Variants in NKD1 observed in about 807,000 individuals in gnomAD.
NKD1 encodes the protein NKD inhibitor of Wnt signaling pathway 1, also known as protein naked cuticle homolog 1.
A neutral mutation model predicts 56.0 loss-of-function variants in NKD1; 21 were observed. The observed-to-expected ratio is 0.38, with a 90% CI of 0.27 to 0.54. NKD1 has a LOEUF of 0.54. Among genes scored for constraint, NKD1 ranks in the 20% least tolerant of loss-of-function variants. The pLI, the probability that NKD1 is intolerant of heterozygous loss-of-function variation, is 0.82. For synonymous variants in NKD1, 263 were observed against 265.7 expected (o/e 0.99, Z 0.10); for missense variants, 578 against 642.7 (o/e 0.90, Z 1.09).
At position 50,575,052 on chromosome 16, in the gene NKD1, C is replaced by G. The variant is rs532365823; in HGVS notation, c.192+25497C>G. 6.0e-5 allele frequency: 59 copies of G among 984,238 alleles called. No individual in the cohort carries two copies. In the African/African-American group the frequency reaches 9.8e-4, roughly 16 times the overall value. 61.0% of individuals were successfully genotyped at this position (984,238 alleles called of 1,614,324 possible). On this transcript the variant is annotated intron_variant, in intron 3 of 9. Coordinates refer to ENST00000268459, the MANE Select transcript of NKD1 (RefSeq NM_033119.5). ...AGTAACTTCTGAACCCAGCTGTCTTCTGAGAGAGCTGGAAAGTTGTTTCAT... is the reference window on the plus strand; with the variant it reads ...AGTAACTTCTGAACCCAGCTGTCTTGTGAGAGAGCTGGAAAGTTGTTTCAT...
chr16:50,552,257 TAAC>T (rs1352970728), intron 3 of NKD1: 3 of 152,302 alleles, frequency 2.0e-5, no homozygotes, highest in Non-Finnish European at 4.4e-5. Context: ...ATCCTCCCCA[TAAC>T]CTTGTAGTGT....
Position 50,549,511 on chromosome 16 carries a change from C to T in NKD1, c.148C>T (p.Pro50Ser), listed in dbSNP as rs1191969969. The T allele has an allele frequency of 1.2e-6, 2 of 1,608,438 alleles. No homozygotes were observed. Among genetic ancestry groups the T allele is most frequent in the Admixed American group, 1.7e-5 (1 of 59,600 alleles). Residue 50 changes from proline (P) to serine (S), a missense_variant, in exon 3 of 10, where the codon CCC (proline) becomes TCC (serine). By Grantham distance (74) the Pro-to-Ser change is moderately conservative. Transcript: ENST00000268459. Reference protein sequence around the residue: ...RQRCPGGVSGPRQLRLAGTIG... With the variant: ...RQRCPGGVSGSRQLRLAGTIG... ...GCGCTGCCCGGGCGGTGTCTCGGGA[C>T]CCCGACAGCTGCGGTTGGCGGGCAC...
chr16:50,568,182 C>T (rs1960804071), intron 3 of NKD1, among the ~76,000 whole-genome samples: 1 of 152,208 alleles, frequency 6.6e-6, no homozygotes, highest in African/African-American at 2.4e-5. Context: ...CTGGGGGGCC[C>T]CTGAGCACCC....
Position 50,646,060 on chromosome 16 carries a change from T to G in NKD1, c.*12279T>G, listed in dbSNP as rs1962672304. 7.4e-6 allele frequency: 1 copy of G among 134,662 alleles called. No homozygotes were observed. Among genetic ancestry groups the G allele is most frequent in the Non-Finnish European group, 1.5e-5 (1 of 65,872 alleles). 8.3% of individuals were successfully genotyped at this position (134,662 alleles called of 1,614,324 possible). On this transcript the variant is annotated 3_prime_UTR_variant, in exon 10 of 10. Transcript: ENST00000268459. ...CTTCTAACAGACAGCCTGGGACCTT[T>G]GAAGTCGGTCTGGCCCAGTGGGGAG... is the stretch of plus-strand genomic sequence containing the variant.
At chr16:50,576,305 A>G (rs1960992984) in intron 3 of NKD1, among the ~76,000 whole-genome samples, 1 of 152,152 alleles carries the variant, frequency 6.6e-6, no homozygotes, top group Non-Finnish European at 1.5e-5. Context: ...CCCATGTCCA[A>G]TTACATGAAG....
chr16:50,566,022 A>C (rs893575035), intron 3 of NKD1: 22 of 270,224 alleles, frequency 8.1e-5, no homozygotes, highest in Admixed American at 4.5e-4. Flanking sequence ...GCACATCCTG[A>C]TATGATCACC....
intron 3 of NKD1, among the ~76,000 whole-genome samples, chr16:50,567,012 C>CG (rs1567336042): frequency 1.3e-5 from 2 of 151,366 alleles, no homozygotes; most frequent in Non-Finnish European, 3.0e-5. Flanking sequence ...ATGGCCCCCC[C>CG]CCTTTTTTTT....
chr16:50,579,368 C>G (rs1183741140), intron 3 of NKD1, among the ~76,000 whole-genome samples: 1 of 147,224 alleles, frequency 6.8e-6, no homozygotes, highest in South Asian at 2.2e-4. Context: ...TGCGGGCTAC[C>G]CGCTACACAC....
At chr16:50,619,298 C>T (rs1487855449) in intron 4 of NKD1, among the ~76,000 whole-genome samples, 5 of 151,996 alleles carry the variant, frequency 3.3e-5, no homozygotes, top group South Asian at 2.1e-4. Flanking sequence ...CAAGCAGGAT[C>T]GTTGGGATCT....
At position 50,562,983 on chromosome 16, in the gene NKD1, A is replaced by ACCCCCCCCCCCC. The variant is rs1483596865; in HGVS notation, c.192+13430_192+13431insCCCCCCCCCCCC. Among the ~76,000 whole-genome samples the ACCCCCCCCCCCC allele has an allele frequency of 3.3e-3, 178 of 53,500 alleles. 3 individuals carry two copies. Among genetic ancestry groups the ACCCCCCCCCCCC allele is most frequent in the African/African-American group, 4.7e-3 (47 of 10,004 alleles). 35.1% of individuals were successfully genotyped at this position (53,500 alleles called of 152,430 possible). A position where few individuals can be genotyped will look rare whatever the true frequency, so the allele number is the denominator to read the frequency against. ...CTTGAAAGGGCTGCTAGGTCCCACC[A>ACCCCCCCCCCCC]CCACCCCCCCCCCCCGCCGTAGAAT... On this transcript the variant is annotated intron_variant, in intron 3 of 9. Coordinates refer to ENST00000268459, the MANE Select transcript of NKD1 (RefSeq NM_033119.5).
At chr16:50,578,474 T>A (rs1198242522) in intron 3 of NKD1, among the ~76,000 whole-genome samples, 1 of 152,096 alleles carries the variant, frequency 6.6e-6, no homozygotes, top group East Asian at 1.9e-4. Context: ...TGAGCCTCCT[T>A]TTCTGCTGGC....
At chr16:50,558,393 A>C (rs1240364201) in intron 3 of NKD1, 36 of 152,196 alleles carry the variant, frequency 2.4e-4, no homozygotes, top group Admixed American at 2.4e-3. Context: ...AATCCTCACA[A>C]CTGCCTTAGG....
intron 4 of NKD1, among the ~76,000 whole-genome samples, chr16:50,619,571 G>A (rs1962040611): frequency 6.6e-6 from 1 of 152,168 alleles, no homozygotes; most frequent in South Asian, 2.1e-4. Flanking sequence ...CCTCAGTTTT[G>A]AGAAAACTTA....
At chr16:50,607,509 C>T (rs1480844307) in intron 3 of NKD1, 1 of 158,760 alleles carries the variant, frequency 6.3e-6, no homozygotes, top group Admixed American at 6.0e-5. Flanking sequence ...CATCATCCCC[C>T]AAACCCTTGT....
At position 50,623,850 on chromosome 16, in the gene NKD1, G is replaced by A. The variant is rs1962149613; in HGVS notation, c.367-1635G>A. Among the ~76,000 whole-genome samples the A allele has an allele frequency of 6.6e-6, 1 of 151,704 alleles. No individual in the cohort carries two copies. Among genetic ancestry groups the A allele is most frequent in the Non-Finnish European group, 1.5e-5 (1 of 67,896 alleles). On this transcript the variant is annotated intron_variant, in intron 5 of 9. Coordinates refer to ENST00000268459, the MANE Select transcript of NKD1 (RefSeq NM_033119.5). The surrounding 1 kb of genome is among the most constrained non-coding windows in gnomAD (Gnocchi z 4.1). ...TGTGTAGGTACGTGTGTAGGGGTAT[G>A]CGTGTGTGTGTGTGTGTAGGGGTAT...
At chr16:50,586,684 A>G (rs1961237706) in intron 3 of NKD1, among the ~76,000 whole-genome samples, 1 of 152,138 alleles carries the variant, frequency 6.6e-6, no homozygotes, top group Admixed American at 6.5e-5. Context: ...GCAATTAGAG[A>G]GAAAAGTTCA....
chr16:50,582,747 G>C (rs977485672), intron 3 of NKD1, among the ~76,000 whole-genome samples: 1 of 152,076 alleles, frequency 6.6e-6, no homozygotes, highest in Middle Eastern at 3.2e-3. Context: ...AGTGGCGCAC[G>C]CCTGTAATCC....
chr16:50,577,570 G>A (rs1291144381), intron 3 of NKD1, among the ~76,000 whole-genome samples: 1 of 152,164 alleles, frequency 6.6e-6, no homozygotes, highest in Non-Finnish European at 1.5e-5. Context: ...ATGGAGTACT[G>A]TTAGCTATAG....
intron 4 of NKD1, among the ~76,000 whole-genome samples, chr16:50,620,159 C>T (rs576701979): frequency 5.1e-4 from 77 of 152,376 alleles, no homozygotes; most frequent in African/African-American, 1.5e-3. Flanking sequence ...GGCGCCAAGG[C>T]GCAAGGACAC....
Sources: gnomAD v4.1 joint callset for allele counts (sites outside exome capture counted in the v4.1 genomes callset) on GRCh38, gnomAD v4.1.1 for gene constraint, Gnocchi (gnomAD v3.1) non-coding constraint, MANE v1.5 for transcripts, NCBI Gene and HGNC (gene_info 2026-07-23, HGNC 2026-07-21) for gene names.